The following IFT57 variants were observed in gnomAD, a reference collection of about 807,000 sequenced individuals.
The protein encoded by IFT57 is intraflagellar transport 57.
Under a neutral mutation model 56.8 loss-of-function variants are expected in IFT57, and 59 were observed. The ratio of observed to expected loss-of-function variants is 1.04; its 90% CI spans 0.84 to 1.29. The LOEUF (loss-of-function observed/expected upper bound fraction) is 1.29, where lower values mean the gene tolerates loss of function less well. Among genes scored for constraint, IFT57 ranks in the 50% most tolerant of loss-of-function variants. The pLI is 0.00. For missense variants in IFT57, 470 were observed against 522.1 expected, an observed-to-expected ratio of 0.90 and a Z score of 0.97; for synonymous variants, 209 against 186.1, an observed-to-expected ratio of 1.12 and a Z score of -1.00.
Position 108,162,609 on chromosome 3 carries a change from T to A in IFT57, c.1158A>T (p.Glu386Asp). 6.2e-7 allele frequency: 1 copy of A among 1,611,902 alleles called. No homozygotes were observed. The highest frequency in any genetic ancestry group is 8.5e-7 in the Non-Finnish European group (1 of 1,178,776). The change falls in exon 11 of 11, where the codon GAA becomes GAT. Residue 386 changes from glutamate (E) to aspartate (D), a missense_variant. Coordinates refer to ENST00000264538, the MANE Select transcript of IFT57 (RefSeq NM_018010.4). ...CAATTCTAATGTCCATCTCTACAGT[T>A]TCTTGCTTCAGTTTTGTTAAGCTCT... ...IKQSLTKLKQETVEMDIRIGI... is the reference protein window; with the variant it reads ...IKQSLTKLKQDTVEMDIRIGI...
intron 4 of IFT57, among the ~76,000 whole-genome samples, chr3:108,209,340 G>A (rs1315606220): frequency 1.3e-5 from 2 of 152,168 alleles, no homozygotes; most frequent in African/African-American, 4.8e-5. Flanking sequence ...TCCTCTTGTG[G>A]AGAAGGAATT....
chr3:108,185,942 G>T (rs1009986438), intron 6 of IFT57, among the ~76,000 whole-genome samples: 1 of 152,032 alleles, frequency 6.6e-6, no homozygotes, highest in Non-Finnish European at 1.5e-5. Context: ...AAAGTTTTTT[G>T]ATATCGGACC....
chr3:108,219,359 T>C, intron 2 of IFT57, 51 bp downstream of exon 2: 1 of 1,474,264 alleles, frequency 6.8e-7, no homozygotes, highest in Middle Eastern at 1.8e-4. Context: ...ATTACCAGTA[T>C]TAAAATTCAT....
intron 4 of IFT57, among the ~76,000 whole-genome samples, chr3:108,210,208 G>A (rs1206575402): frequency 6.6e-6 from 1 of 151,650 alleles, no homozygotes; most frequent in Non-Finnish European, 1.5e-5. Context: ...AATATTTTGT[G>A]TTATGACCCC....
intron 3 of IFT57, among the ~76,000 whole-genome samples, chr3:108,215,421 G>A (rs1217142637): frequency 6.6e-6 from 1 of 152,044 alleles, no homozygotes; most frequent in African/African-American, 2.4e-5. Flanking sequence ...AAATTAGCTG[G>A]GAGTGGTGGT....
chr3:108,219,598 G>A (rs1408399631), intron 1 of IFT57, 26 bp from the exon 2 acceptor site: 2 of 1,606,812 alleles, frequency 1.2e-6, no homozygotes, highest in African/African-American at 2.7e-5. Context: ...GAGGAATGGG[G>A]GCGGATGTGA....
intron 1 of IFT57, 126 bp downstream of exon 1, chr3:108,221,985 T>C (rs2080408653): frequency 4.7e-6 from 7 of 1,483,420 alleles, no homozygotes; most frequent in African/African-American, 1.4e-5. Flanking sequence ...TGCCCTTCCC[T>C]GGCTAGGAAG....
At chr3:108,163,434 T>C (rs113074399) in intron 10 of IFT57, among the ~76,000 whole-genome samples, 3 of 152,174 alleles carry the variant, frequency 2.0e-5, no homozygotes, top group African/African-American at 4.8e-5. Context: ...TTTGAATCAA[T>C]AGTTTGAATG....
At chr3:108,176,211 G>A (rs184312199) in intron 6 of IFT57, among the ~76,000 whole-genome samples, 23 of 151,794 alleles carry the variant, frequency 1.5e-4, no homozygotes, top group Admixed American at 1.2e-3. Context: ...TTACAAGGGC[G>A]CTTACGGCTC....
chr3:108,208,997 G>T (rs2080328705), intron 4 of IFT57, among the ~76,000 whole-genome samples: 1 of 152,138 alleles, frequency 6.6e-6, no homozygotes, highest in Non-Finnish European at 1.5e-5. Flanking sequence ...AGGAATAAAG[G>T]TCTGAGTCAC....
rs75763868 is a variant in IFT57 at position 108,162,496 on chromosome 3, G to C, written c.1271C>G (p.Pro424Arg). 6.2e-7 allele frequency: 1 copy of C among 1,601,358 alleles called. No individual in the cohort carries two copies. Among genetic ancestry groups the C allele is most frequent in the Non-Finnish European group, 8.5e-7 (1 of 1,173,598 alleles). Reference protein sequence around the residue: ...RNMHATVIPEPATGFY With the variant: ...RNMHATVIPERATGFY ...TATGTTTTAATAAAAGCCTGTTGCT[G>C]GTTCTGGAATAACTGTGGCATGCAT... Residue 424 changes from proline (P) to arginine (R), a missense_variant, in exon 11 of 11, where the codon CCA (proline) becomes CGA (arginine). Coordinates refer to ENST00000264538, the MANE Select transcript of IFT57 (RefSeq NM_018010.4).
intron 6 of IFT57, among the ~76,000 whole-genome samples, chr3:108,178,132 C>A (rs1455762811): frequency 6.6e-6 from 1 of 151,776 alleles, no homozygotes; most frequent in Admixed American, 6.6e-5. Flanking sequence ...AGTACAGATA[C>A]AGACTCACAC....
At chr3:108,180,067 G>C (rs1560107679) in intron 6 of IFT57, among the ~76,000 whole-genome samples, 1 of 151,996 alleles carries the variant, frequency 6.6e-6, no homozygotes, top group Non-Finnish European at 1.5e-5. Flanking sequence ...CATCGGTAAG[G>C]AAGGCTATGA....
Position 108,222,131 on chromosome 3 carries a change from G to A in IFT57, c.192C>T (p.Ser64=). The A allele has an allele frequency of 6.2e-7, 1 of 1,609,068 alleles. No homozygotes were observed. The highest frequency in any genetic ancestry group is 8.5e-7 in the Non-Finnish European group (1 of 1,177,816). Residue 64 remains serine (S), a synonymous_variant, in exon 1 of 11, where the codon AGC becomes AGT. Coordinates refer to ENST00000264538, the MANE Select transcript of IFT57 (RefSeq NM_018010.4). ...CCCACCTGGACGGGGCCTTCAGGTT[G>A]CTCTTCCGGAGGAACTCCTCCTCGT... ...LRYEEEFLRK[S]NLKAPSRHYF... is the part of the protein sequence containing the mutation.
At position 108,222,248 on chromosome 3, in the gene IFT57, G is replaced by C. The variant is rs759221015; in HGVS notation, c.75C>G (p.Thr25=). 21 of 1,613,872 alleles carry C rather than the reference G, an allele frequency of 1.3e-5. No homozygotes were observed. In the Admixed American group the frequency reaches 3.5e-4, roughly 27 times the overall value. ...DGVPRSRGEG[T]GEVVLERGPG... ...GCCCCCGCTCCAAGACCACTTCCCC[G>C]GTCCCTTCGCCACGGGACCTAGGCA... Residue 25 remains threonine, a synonymous_variant, in exon 1 of 11, where the codon ACC becomes ACG. Coordinates refer to ENST00000264538, the MANE Select transcript of IFT57 (RefSeq NM_018010.4).
chr3:108,206,075 T>TAAA lies in IFT57; in HGVS notation c.654+552_654+553insTTT, dbSNP rs1576046897. Reference sequence around the variant, plus strand: ...TATATTATTTATATATAATAATATATTATATATAAATAATATATATTGATA... The same window carrying TAAA: ...TATATTATTTATATATAATAATATATAAATATATATAAATAATATATATTGATA... On this transcript the variant is annotated intron_variant, in intron 5 of 10. Transcript: ENST00000264538. 5.4e-5 allele frequency among the ~76,000 whole-genome samples: 7 copies of TAAA among 130,228 alleles called. No individual in the cohort carries two copies. The South Asian group carries it at 1.5e-3, about 28-fold the overall frequency. The allele number at this position is 130,228 out of a possible 152,430, so 85.4% of individuals were successfully genotyped here. A position where few individuals can be genotyped will look rare whatever the true frequency, so the allele number is the denominator to read the frequency against.
chr3:108,211,412 A>C (rs1210267729), intron 4 of IFT57, among the ~76,000 whole-genome samples: 1 of 152,252 alleles, frequency 6.6e-6, no homozygotes, highest in South Asian at 2.1e-4. Flanking sequence ...TTTCATGCCC[A>C]AAACAATCTG....
intron 6 of IFT57, among the ~76,000 whole-genome samples, chr3:108,181,744 T>C (rs1355957044): frequency 2.0e-5 from 3 of 152,104 alleles, no homozygotes; most frequent in Non-Finnish European, 4.4e-5. Context: ...ATAGATACAA[T>C]TACAAACATT....
intron 2 of IFT57, 94 bp downstream of exon 2, chr3:108,219,315 AG>A: frequency 1.1e-6 from 1 of 938,510 alleles, no homozygotes; most frequent in Non-Finnish European, 1.7e-6. Context: ...ATATTTACAG[AG>A]GAGTCATCTA....
Sources: gnomAD v4.1 joint callset for allele counts (sites outside exome capture counted in the v4.1 genomes callset) on GRCh38, gnomAD v4.1.1 for gene constraint, MANE v1.5 for transcripts, NCBI Gene and HGNC (gene_info 2026-07-23, HGNC 2026-07-21) for gene names.